The following JAKMIP2 variants were observed in gnomAD, a reference collection of about 807,000 sequenced individuals.
JAKMIP2 encodes the protein janus kinase and microtubule interacting protein 2.
In JAKMIP2, 25 loss-of-function variants were observed where a neutral mutation model predicts 115.0. That is an observed-to-expected ratio of 0.22 (90% confidence interval 0.16 to 0.30). The LOEUF is 0.30. Ranked by LOEUF, JAKMIP2 falls within the 10% of genes least tolerant of loss-of-function variation. The pLI is 1.00. For synonymous variants in JAKMIP2, 334 were observed against 343.6 expected (o/e 0.97, Z 0.31); for missense variants, 642 against 957.6 (o/e 0.67, Z 4.35).
intron 1 of JAKMIP2, among the ~76,000 whole-genome samples, chr5:147,764,058 T>C (rs1443537920): frequency 6.6e-6 from 1 of 152,072 alleles, no homozygotes; most frequent in Non-Finnish European, 1.5e-5. Flanking sequence ...ATACACAATC[T>C]CTCTGTTTCA....
chr5:147,644,788 G>A, intron 6 of JAKMIP2, 62 bp downstream of exon 6: 3 of 1,383,428 alleles, frequency 2.2e-6, no homozygotes, highest in Non-Finnish European at 3.0e-6. Flanking sequence ...ATGGCAATAA[G>A]TCAGGTTATT....
At chr5:147,725,908 C>CT (rs1456074653) in intron 1 of JAKMIP2, among the ~76,000 whole-genome samples, 4 of 152,006 alleles carry the variant, frequency 2.6e-5, no homozygotes, top group African/African-American at 4.8e-5. Flanking sequence ...ACATGGGGAG[C>CT]TTTTTTTCTC....
intron 1 of JAKMIP2, among the ~76,000 whole-genome samples, chr5:147,764,945 AGGGAGAGAGAGAGAGAGAGAGGGGG>A (rs1561582557): frequency 2.2e-5 from 2 of 89,118 alleles, no homozygotes; most frequent in African/African-American, 1.2e-4. Context: ...AGAGAGAGAG[AGGGAGAGAGAGAGAGAGAGAGGGGG>A]AGAGAGAGAG....
At chr5:147,619,257 C>G (rs1756735924) in intron 18 of JAKMIP2, among the ~76,000 whole-genome samples, 1 of 151,916 alleles carries the variant, frequency 6.6e-6, no homozygotes, top group South Asian at 2.1e-4. Context: ...TGAATGAGTA[C>G]TCAGTAGTCT....
intron 20 of JAKMIP2, among the ~76,000 whole-genome samples, chr5:147,608,298 C>T (rs190192831): frequency 6.6e-6 from 1 of 152,122 alleles, no homozygotes; most frequent in Admixed American, 6.6e-5. Context: ...CCCACTTTCT[C>T]CTGTGGGGAT....
At chr5:147,755,239 T>C (rs1754702090) in intron 1 of JAKMIP2, among the ~76,000 whole-genome samples, 1 of 152,136 alleles carries the variant, frequency 6.6e-6, no homozygotes, top group Admixed American at 6.6e-5. Context: ...ATACTGGCAG[T>C]GAGGACAAAG....
chr5:147,705,802 A>C (rs1346037482), intron 1 of JAKMIP2, among the ~76,000 whole-genome samples: 7 of 152,226 alleles, frequency 4.6e-5, no homozygotes. Flanking sequence ...TTAAGGACTT[A>C]CCATTTAAAA....
At chr5:147,656,596 G>A (rs1301518319) in intron 3 of JAKMIP2, among the ~76,000 whole-genome samples, 2 of 152,076 alleles carry the variant, frequency 1.3e-5, no homozygotes, top group Non-Finnish European at 1.5e-5. Context: ...TGTGAGATGG[G>A]TCTCCTGAAT....
chr5:147,624,456 G>A (rs76502210), intron 16 of JAKMIP2, among the ~76,000 whole-genome samples: 1 of 152,172 alleles, frequency 6.6e-6, no homozygotes, highest in Non-Finnish European at 1.5e-5. Flanking sequence ...GAGAAAGAAG[G>A]CCAGGTACAC....
At chr5:147,694,848 A>G (rs982024394) in intron 1 of JAKMIP2, among the ~76,000 whole-genome samples, 1 of 152,254 alleles carries the variant, frequency 6.6e-6, no homozygotes, top group African/African-American at 2.4e-5. Flanking sequence ...AGGCATAGAA[A>G]TTAAATTTTA....
intron 1 of JAKMIP2, among the ~76,000 whole-genome samples, chr5:147,684,257 G>A (rs1760463998): frequency 6.7e-6 from 1 of 150,152 alleles, no homozygotes; most frequent in Non-Finnish European, 1.5e-5. Flanking sequence ...AATACAATAT[G>A]TATCTACCAA....
intron 1 of JAKMIP2, among the ~76,000 whole-genome samples, chr5:147,672,429 C>T (rs572560591): frequency 3.9e-5 from 6 of 152,260 alleles, no homozygotes; most frequent in Admixed American, 6.5e-5. Context: ...AATGAATCAC[C>T]GGATTAACTG....
At chr5:147,684,693 T>C (rs1000491074) in intron 1 of JAKMIP2, among the ~76,000 whole-genome samples, 2 of 152,174 alleles carry the variant, frequency 1.3e-5, no homozygotes, top group East Asian at 1.9e-4. Context: ...TTTTACTTGG[T>C]TTAATAATTA....
intron 20 of JAKMIP2, among the ~76,000 whole-genome samples, chr5:147,603,925 G>A (rs1035848656): frequency 3.3e-5 from 5 of 151,526 alleles, no homozygotes; most frequent in African/African-American, 1.2e-4. Context: ...TCCCCTTTTT[G>A]TTTTTTTTAA....
intron 1 of JAKMIP2, among the ~76,000 whole-genome samples, chr5:147,743,858 T>C (rs1350383363): frequency 6.6e-6 from 1 of 152,128 alleles, no homozygotes; most frequent in African/African-American, 2.4e-5. Context: ...AATATGCTCC[T>C]CTGTGGAGGC....
At position 147,727,718 on chromosome 5, in the gene JAKMIP2, T is replaced by C. The variant is rs149341262; in HGVS notation, c.-149+54738A>G. On this transcript the variant is annotated intron_variant, in intron 1 of 21. Transcript: ENST00000616793. ...TAAAAGGATTTTATTTTTTAAGGAG[T>C]ACTACGGTTAAAAGTCAGCTCAATT... 4.9e-4 allele frequency among the ~76,000 whole-genome samples: 75 copies of C among 152,276 alleles called. 1 individual carries two copies. Among genetic ancestry groups the C allele is most frequent in the Middle Eastern group, 6.8e-3 (2 of 294 alleles).
chr5:147,648,440 A>G lies in JAKMIP2; in HGVS notation c.872T>C (p.Leu291Ser). 6.2e-7 allele frequency: 1 copy of G among 1,608,494 alleles called. No individual in the cohort carries two copies. The highest frequency in any genetic ancestry group is 8.5e-7 in the Non-Finnish European group (1 of 1,175,530). ...TTCTAATTTTCTTATAGTGGCATTC[A>G]ATTCAGCTATTCTCTTTTGATTTCT... The part of the protein sequence containing the change: ...LRRNQKRIAE[L>S]NATIRKLEDR... Residue 291 changes from leucine to serine, a missense_variant, in exon 5 of 22, where the codon TTG becomes TCG. Transcript: ENST00000616793.
At chr5:147,704,424 G>A (rs1752490208) in intron 1 of JAKMIP2, among the ~76,000 whole-genome samples, 1 of 152,068 alleles carries the variant, frequency 6.6e-6, no homozygotes, top group Non-Finnish European at 1.5e-5. Context: ...TGGTAGATGT[G>A]GTCCATCTTT....
chr5:147,760,342 T>G (rs1484700718), intron 1 of JAKMIP2, among the ~76,000 whole-genome samples: 2 of 151,142 alleles, frequency 1.3e-5, no homozygotes, highest in Non-Finnish European at 2.9e-5. Flanking sequence ...GCACTGAGCC[T>G]TGGTAAACCC....
Sources: gnomAD v4.1 joint callset for allele counts (sites outside exome capture counted in the v4.1 genomes callset) on GRCh38, gnomAD v4.1.1 for gene constraint, MANE v1.5 for transcripts, NCBI Gene and HGNC (gene_info 2026-07-23, HGNC 2026-07-21) for gene names.